Variants in NELL2 observed in about 807,000 individuals in gnomAD.
NELL2 encodes neural EGFL like 2.
In NELL2, 41 loss-of-function variants were observed where a neutral mutation model predicts 109.6. The ratio of observed to expected loss-of-function variants is 0.37; its 90% CI spans 0.29 to 0.49. The LOEUF (loss-of-function observed/expected upper bound fraction) is 0.49. Ranked by LOEUF, NELL2 falls within the 20% of genes least tolerant of loss-of-function variation. NELL2 has a pLI of 0.98. For missense variants in NELL2, 900 were observed against 1,008.3 expected (o/e 0.89, Z 1.45); for synonymous variants, 355 against 344.7 (o/e 1.03, Z -0.33).
intron 3 of NELL2, among the ~76,000 whole-genome samples, chr12:44,809,909 G>A (rs1209344726): frequency 1.3e-5 from 2 of 152,018 alleles, no homozygotes; most frequent in African/African-American, 2.4e-5. Flanking sequence ...CATTAACACC[G>A]TGGCTGAGAT....
intron 2 of NELL2, among the ~76,000 whole-genome samples, chr12:44,860,299 A>G (rs980263873): frequency 2.6e-5 from 4 of 152,258 alleles, no homozygotes; most frequent in African/African-American, 9.6e-5. Context: ...AACTCAAAAG[A>G]AAGTTTAATT....
intron 1 of NELL2, among the ~76,000 whole-genome samples, chr12:44,897,156 G>A (rs2136876407): frequency 6.6e-6 from 1 of 152,224 alleles, no homozygotes; most frequent in African/African-American, 2.4e-5. Flanking sequence ...ATCATCTACT[G>A]AGGTTAGTAG....
intron 13 of NELL2, among the ~76,000 whole-genome samples, chr12:44,627,202 C>G (rs1338089711): frequency 6.6e-6 from 1 of 152,140 alleles, no homozygotes. Context: ...ATCCTGCATA[C>G]ATATTTGAGG....
intron 9 of NELL2, among the ~76,000 whole-genome samples, chr12:44,716,630 T>C (rs1196314109): frequency 6.6e-6 from 1 of 152,130 alleles, no homozygotes; most frequent in Non-Finnish European, 1.5e-5. Context: ...TGTTTAATTA[T>C]ACTTAATAAG....
At chr12:44,664,622 C>T (rs985381276) in intron 13 of NELL2, among the ~76,000 whole-genome samples, 7 of 151,948 alleles carry the variant, frequency 4.6e-5, no homozygotes, top group African/African-American at 1.7e-4. Context: ...ATACATGCAC[C>T]TGATAAAGAT....
chr12:44,680,254 T>A (rs1434238856), intron 12 of NELL2, among the ~76,000 whole-genome samples: 2 of 152,144 alleles, frequency 1.3e-5, no homozygotes, highest in Non-Finnish European at 2.9e-5. Context: ...TGTACATAAA[T>A]CACTGACTGG....
chr12:44,775,283 C>T (rs1941714005), intron 8 of NELL2, among the ~76,000 whole-genome samples: 1 of 146,406 alleles, frequency 6.8e-6, no homozygotes, highest in Non-Finnish European at 1.5e-5. Flanking sequence ...TTCTGAACTA[C>T]TTTTGATCTT....
rs1939593628 is a variant in NELL2, at chr12:44,735,504, A to C, written c.995-20763T>G. ...TGTTTACTCCTAACTTGCCCTTATC[A>C]TGAAGGTATCTGGTTTTGGAATTCC... On this transcript the variant is annotated intron_variant, in intron 9 of 19. Transcript: ENST00000429094. Among the ~76,000 whole-genome samples, 4 of 152,196 alleles carry C rather than the reference A, an allele frequency of 2.6e-5. No homozygotes were observed. The South Asian group carries it at 8.3e-4, about 31-fold the overall frequency.
intron 1 of NELL2, among the ~76,000 whole-genome samples, chr12:44,921,208 G>C (rs1320446338): frequency 6.6e-6 from 1 of 152,084 alleles, no homozygotes; most frequent in African/African-American, 2.4e-5. Context: ...TTGAAACCAT[G>C]ACATGGAAGT....
intron 19 of NELL2, among the ~76,000 whole-genome samples, chr12:44,511,580 AAAG>A (rs1487848431): frequency 6.6e-6 from 1 of 152,204 alleles, no homozygotes; most frequent in Non-Finnish European, 1.5e-5. Flanking sequence ...AATATCTATA[AAAG>A]AAGAAGTGAA....
chr12:44,621,216 C>T (rs1038938867), intron 13 of NELL2, among the ~76,000 whole-genome samples: 3 of 152,174 alleles, frequency 2.0e-5, no homozygotes, highest in Admixed American at 1.3e-4. Flanking sequence ...TTCTACTCAC[C>T]TCCCACTCAG....
chr12:44,868,272 G>A (rs978885622), intron 2 of NELL2, among the ~76,000 whole-genome samples: 2 of 152,046 alleles, frequency 1.3e-5, no homozygotes, highest in Non-Finnish European at 2.9e-5. Context: ...AAACACTGAT[G>A]AAAGAAATGA....
intron 3 of NELL2, among the ~76,000 whole-genome samples, chr12:44,807,039 C>T (rs1156703244): frequency 6.6e-6 from 1 of 150,834 alleles, no homozygotes; most frequent in East Asian, 1.9e-4. Flanking sequence ...TATATTTTTA[C>T]AAAGCAAGAC....
chr12:44,619,784 A>G (rs886684586), intron 13 of NELL2, among the ~76,000 whole-genome samples: 9 of 152,206 alleles, frequency 5.9e-5, no homozygotes, highest in African/African-American at 1.9e-4. Flanking sequence ...AAGAGGAATC[A>G]TCGGGAAGTT....
At chr12:44,730,446 C>A (rs1163861524) in intron 9 of NELL2, among the ~76,000 whole-genome samples, 1 of 151,994 alleles carries the variant, frequency 6.6e-6, no homozygotes, top group Non-Finnish European at 1.5e-5. Context: ...CTTTTCCAAA[C>A]ACAATGAAAT....
chr12:44,553,633 T>A (rs185468029), intron 15 of NELL2, among the ~76,000 whole-genome samples: 4 of 152,200 alleles, frequency 2.6e-5, no homozygotes, highest in Non-Finnish European at 5.9e-5. Flanking sequence ...GGGATGGATA[T>A]TCCAATTACC....
At chr12:44,565,362 C>T (rs1005794164) in intron 15 of NELL2, among the ~76,000 whole-genome samples, 1 of 152,118 alleles carries the variant, frequency 6.6e-6, no homozygotes, top group South Asian at 2.1e-4. Flanking sequence ...ACAATGACAT[C>T]ATCATTAGAC....
At chr12:44,742,477 A>C (rs1266041501) in intron 9 of NELL2, among the ~76,000 whole-genome samples, 1 of 152,228 alleles carries the variant, frequency 6.6e-6, no homozygotes, top group Non-Finnish European at 1.5e-5. Flanking sequence ...TGACGAGTTG[A>C]GAGAAGAAGG....
At chr12:44,808,377 G>A (rs113110935) in intron 3 of NELL2, among the ~76,000 whole-genome samples, 1 of 151,848 alleles carries the variant, frequency 6.6e-6, no homozygotes, top group Non-Finnish European at 1.5e-5. Context: ...TGCCTACTTG[G>A]TAGTGATATA....
Sources: gnomAD v4.1 joint callset for allele counts (sites outside exome capture counted in the v4.1 genomes callset) on GRCh38, gnomAD v4.1.1 for gene constraint, MANE v1.5 for transcripts, NCBI Gene and HGNC (gene_info 2026-07-23, HGNC 2026-07-21) for gene names.